DPYSL2: variants seen among roughly 807,000 people sequenced by gnomAD.
DPYSL2 encodes the protein dihydropyrimidinase-related protein 2.
In DPYSL2, 13 loss-of-function variants were observed where a neutral mutation model predicts 69.9. The ratio of observed to expected loss-of-function variants is 0.19; its 90% CI spans 0.12 to 0.30. The LOEUF is 0.30. Among genes scored for constraint, DPYSL2 ranks in the 10% least tolerant of loss-of-function variants. DPYSL2 has a pLI of 1.00. For synonymous variants in DPYSL2, 326 were observed against 359.1 expected, an observed-to-expected ratio of 0.91 and a Z score of 1.04; for missense variants, 587 against 918.9, an observed-to-expected ratio of 0.64 and a Z score of 4.67.
chr8:26,633,337 A>G (rs962758729), intron 7 of DPYSL2, among the ~76,000 whole-genome samples: 4 of 152,038 alleles, frequency 2.6e-5, no homozygotes, highest in Non-Finnish European at 4.4e-5. Flanking sequence ...GCCTTCCACA[A>G]TTTCACCTGC....
chr8:26,527,483 G>C (rs990772170), intron 1 of DPYSL2, among the ~76,000 whole-genome samples: 47 of 152,066 alleles, frequency 3.1e-4, no homozygotes, highest in African/African-American at 1.1e-3. Context: ...TGGCAGAAAA[G>C]TGTGTAAATT....
chr8:26,539,389 G>A (rs572081351), intron 1 of DPYSL2, among the ~76,000 whole-genome samples: 23 of 152,030 alleles, frequency 1.5e-4, no homozygotes, highest in African/African-American at 4.4e-4. Flanking sequence ...ATATTTAAAC[G>A]GTGTTACTGT....
intron 1 of DPYSL2, chr8:26,578,152 C>A (rs1239347085): frequency 6.3e-7 from 1 of 1,594,748 alleles, no homozygotes; most frequent in Non-Finnish European, 8.5e-7. Context: ...TTCAATCTTG[C>A]AAAGGAAAAA....
At position 26,587,514 on chromosome 8, in the gene DPYSL2, A is replaced by G. The variant is rs1002499136; in HGVS notation, c.628+3531A>G. Reference sequence around the variant, plus strand: ...CCCTGGAGACTCCTTTCTGTCTGAAATGGCGCCGCATGTAGAGGAAAACAC... The same window carrying G: ...CCCTGGAGACTCCTTTCTGTCTGAAGTGGCGCCGCATGTAGAGGAAAACAC... On this transcript the variant is annotated intron_variant, in intron 3 of 13. Coordinates refer to ENST00000521913, the MANE Select transcript of DPYSL2 (RefSeq NM_001197293.3). This position sits in a 1 kb window ranked among gnomAD's most constrained non-coding sequence, Gnocchi z 4.2. Among the ~76,000 whole-genome samples, 1 of 152,148 alleles carries G rather than the reference A, an allele frequency of 6.6e-6. No individual in the cohort carries two copies. Among genetic ancestry groups the G allele is most frequent in the African/African-American group, 2.4e-5 (1 of 41,432 alleles).
At chr8:26,646,067 T>C (rs527952407) in intron 10 of DPYSL2, among the ~76,000 whole-genome samples, 1 of 152,086 alleles carries the variant, frequency 6.6e-6, no homozygotes, top group South Asian at 2.1e-4. Flanking sequence ...GGTTTTGCCA[T>C]GTTGGCCAAG....
intron 3 of DPYSL2, among the ~76,000 whole-genome samples, chr8:26,608,755 C>T (rs1802163121): frequency 6.6e-6 from 1 of 152,208 alleles, no homozygotes; most frequent in South Asian, 2.1e-4. Context: ...CATGATGGTA[C>T]AATGGCCGTG....
chr8:26,598,910 G>A lies in DPYSL2; in HGVS notation c.628+14927G>A, dbSNP rs1398523739. On this transcript the variant is annotated intron_variant, in intron 3 of 13. Transcript: ENST00000521913. This position sits in a 1 kb window ranked among gnomAD's most constrained non-coding sequence, Gnocchi z 4.2. ...TGCTTCTGTGCCTTTTCCCCACTGT[G>A]CGTATTCTTAGCTGCGCAAGTGTCG... Among the ~76,000 whole-genome samples the A allele has an allele frequency of 3.3e-5, 5 of 152,238 alleles. No individual in the cohort carries two copies. Among genetic ancestry groups the A allele is most frequent in the South Asian group, 2.1e-4 (1 of 4,834 alleles).
In DPYSL2 at chr8:26,580,622, C is replaced by T. The variant is rs1336016114; in HGVS notation, c.355-1347C>T. 6.6e-6 allele frequency among the ~76,000 whole-genome samples: 1 copy of T among 152,072 alleles called. No individual in the cohort carries two copies. Among genetic ancestry groups the T allele is most frequent in the Non-Finnish European group, 1.5e-5 (1 of 67,998 alleles). On this transcript the variant is annotated intron_variant, in intron 1 of 13. Transcript: ENST00000521913. The surrounding 1 kb of genome is among the most constrained non-coding windows in gnomAD (Gnocchi z 4.1). ...TTTATGTGTAAAATTATCTTTTTTC[C>T]TTGCTCTCTAGTAGCTTATCTCTTT... is the stretch of plus-strand genomic sequence containing the variant.
chr8:26,588,797 G>A lies in DPYSL2; in HGVS notation c.628+4814G>A, dbSNP rs1450472290. 2.0e-5 allele frequency among the ~76,000 whole-genome samples: 3 copies of A among 152,180 alleles called. No homozygotes were observed. Among genetic ancestry groups the A allele is most frequent in the African/African-American group, 7.2e-5 (3 of 41,440 alleles). ...GTCTGCTCCTTGCTGCTTTTCCGGTGCCCAGTCCTGGAGAGGGCTCGCTGG... is the reference window on the plus strand; with the variant it reads ...GTCTGCTCCTTGCTGCTTTTCCGGTACCCAGTCCTGGAGAGGGCTCGCTGG... On this transcript the variant is annotated intron_variant, in intron 3 of 13. Coordinates refer to ENST00000521913, the MANE Select transcript of DPYSL2 (RefSeq NM_001197293.3). The surrounding 1 kb of genome is among the most constrained non-coding windows in gnomAD (Gnocchi z 5.4).
rs1802550349 is a variant in DPYSL2 at position 26,623,724 on chromosome 8, G to T, written c.629-419G>T. 1.8e-5 allele frequency: 3 copies of T among 169,462 alleles called. No individual in the cohort carries two copies. In the Admixed American group the frequency reaches 1.8e-4, roughly 10 times the overall value. 10.5% of individuals were successfully genotyped at this position (169,462 alleles called of 1,614,324 possible). A position where few individuals can be genotyped will look rare whatever the true frequency, so the allele number is the denominator to read the frequency against. On this transcript the variant is annotated intron_variant, in intron 3 of 13. Coordinates refer to ENST00000521913, the MANE Select transcript of DPYSL2 (RefSeq NM_001197293.3). ...ACTTTTGAAAGGCCCGGTCCGTGTG[G>T]CTCTGCTCCAGCACCTTCAAGTTCC... is the stretch of plus-strand genomic sequence containing the variant.
rs981901482 is a variant in DPYSL2, at chr8:26,516,116, A to G, written c.354+1437A>G. Reference sequence around the variant, plus strand: ...GCTGTCATTTGTAAAAGGTGACACAACTAATAATTTATATCCAACCCCAGC... The same window carrying G: ...GCTGTCATTTGTAAAAGGTGACACAGCTAATAATTTATATCCAACCCCAGC... On this transcript the variant is annotated intron_variant, in intron 1 of 13. Coordinates refer to ENST00000521913, the MANE Select transcript of DPYSL2 (RefSeq NM_001197293.3). This position sits in a 1 kb window ranked among gnomAD's most constrained non-coding sequence, Gnocchi z 4.8. Among the ~76,000 whole-genome samples, 5 of 152,246 alleles carry G rather than the reference A, an allele frequency of 3.3e-5. No individual in the cohort carries two copies. Among genetic ancestry groups the G allele is most frequent in the African/African-American group, 7.2e-5 (3 of 41,466 alleles).
rs527594479 is a variant in DPYSL2 at position 26,581,104 on chromosome 8, C to T, written c.355-865C>T. ...AGCCTAGTTAAAATGGCATCAATGGCGTATTTTTTGTAGTCTTTTTGCTAT... is the reference window on the plus strand; with the variant it reads ...AGCCTAGTTAAAATGGCATCAATGGTGTATTTTTTGTAGTCTTTTTGCTAT... On this transcript the variant is annotated intron_variant, in intron 1 of 13. Transcript: ENST00000521913. Among the ~76,000 whole-genome samples, 5 of 152,222 alleles carry T rather than the reference C, an allele frequency of 3.3e-5. No individual in the cohort carries two copies. The East Asian group carries it at 5.8e-4, about 18-fold the overall frequency.
rs754772839 is a variant in DPYSL2, at chr8:26,654,293, G to C, written c.1942+896G>C. Among the ~76,000 whole-genome samples, 22 of 152,328 alleles carry C rather than the reference G, an allele frequency of 1.4e-4. No homozygotes were observed. The highest frequency in any genetic ancestry group is 2.1e-4 in the South Asian group (1 of 4,826). ...CCCCTTGGTGAGAGGAAAGGGTTCAGATTTTTAAGTTTCCTTGCTTGAAAC... is the reference window on the plus strand; with the variant it reads ...CCCCTTGGTGAGAGGAAAGGGTTCACATTTTTAAGTTTCCTTGCTTGAAAC... On this transcript the variant is annotated intron_variant, in intron 13 of 13. Transcript: ENST00000521913. This position sits in a 1 kb window ranked among gnomAD's most constrained non-coding sequence, Gnocchi z 5.0.
intron 1 of DPYSL2, among the ~76,000 whole-genome samples, chr8:26,543,235 T>C (rs1481190231): frequency 6.6e-6 from 1 of 152,218 alleles, no homozygotes; most frequent in African/African-American, 2.4e-5. Flanking sequence ...TATATTTCCA[T>C]TGAATTACTC....
chr8:26,515,227 C>T (rs922814666), intron 1 of DPYSL2, among the ~76,000 whole-genome samples: 2 of 152,196 alleles, frequency 1.3e-5, no homozygotes, highest in African/African-American at 4.8e-5. Context: ...CCCCCGGACC[C>T]CCTCCGAGCA....
rs115586784 is a variant in DPYSL2 at position 26,619,278 on chromosome 8, A to G, written c.629-4865A>G. Among the ~76,000 whole-genome samples, 249 of 152,326 alleles carry G rather than the reference A, an allele frequency of 1.6e-3. 2 individuals carry two copies. Among genetic ancestry groups the G allele is most frequent in the African/African-American group, 5.7e-3 (236 of 41,568 alleles). On this transcript the variant is annotated intron_variant, in intron 3 of 13. Transcript: ENST00000521913. The surrounding 1 kb of genome is among the most constrained non-coding windows in gnomAD (Gnocchi z 4.8). ...GAGCAGCTCTTCCCAGGAGAGCTTC[A>G]GTGGAAAGAAAACTGTGGGAAAACA...
At chr8:26,543,255 T>C (rs1800713195) in intron 1 of DPYSL2, among the ~76,000 whole-genome samples, 1 of 152,200 alleles carries the variant, frequency 6.6e-6, no homozygotes, top group East Asian at 1.9e-4. Flanking sequence ...CAATTTACTC[T>C]TGCAGTTCAG....
intron 4 of DPYSL2, among the ~76,000 whole-genome samples, chr8:26,625,655 CT>C (rs1389958953): frequency 6.6e-6 from 1 of 152,162 alleles, no homozygotes; most frequent in Non-Finnish European, 1.5e-5. Flanking sequence ...TGGACCTTTT[CT>C]TACTTAAAAA....
rs888739022 is a variant in DPYSL2, at chr8:26,647,856, C to T, written c.1596+56C>T. 1.1e-5 allele frequency: 17 copies of T among 1,541,788 alleles called. No homozygotes were observed. The African/African-American group carries it at 2.1e-4, about 19-fold the overall frequency. ...CAAACGAATTACAGTCACAGAGACA[C>T]AGACGGAGGGAGAGCCCCAGGGTTT... On this transcript the variant is annotated intron_variant, in intron 11 of 13. Transcript: ENST00000521913. This position sits in a 1 kb window ranked among gnomAD's most constrained non-coding sequence, Gnocchi z 5.1.
Sources: allele counts gnomAD v4.1 joint callset (sites outside exome capture counted in the v4.1 genomes callset), GRCh38; gene constraint gnomAD v4.1.1; non-coding constraint Gnocchi (gnomAD v3.1); transcripts MANE v1.5; gene names NCBI Gene and HGNC (gene_info 2026-07-23, HGNC 2026-07-21).